FHIT: variants seen among roughly 807,000 people sequenced by gnomAD.
FHIT encodes the protein fragile histidine triad diadenosine triphosphatase.
In FHIT, 19 loss-of-function variants were observed where a neutral mutation model predicts 17.9. The ratio of observed to expected loss-of-function variants is 1.06; its 90% CI spans 0.74 to 1.56. FHIT has a LOEUF of 1.56. FHIT is among the 40% of genes most tolerant of loss of function. FHIT has a pLI of 0.00. For missense variants in FHIT, 248 were observed against 189.2 expected, an observed-to-expected ratio of 1.31 and a Z score of -1.82; for synonymous variants, 81 against 69.7, an observed-to-expected ratio of 1.16 and a Z score of -0.81.
At chr3:60,727,234 A>G (rs987496481) in intron 4 of FHIT, among the ~76,000 whole-genome samples, 2 of 152,178 alleles carry the variant, frequency 1.3e-5, no homozygotes, top group African/African-American at 4.8e-5. Flanking sequence ...AAAGCTCACA[A>G]TATAATAAAA....
chr3:60,248,722 C>T (rs1705532456), intron 5 of FHIT, among the ~76,000 whole-genome samples: 1 of 152,004 alleles, frequency 6.6e-6, no homozygotes, highest in African/African-American at 2.4e-5. Flanking sequence ...GAATATGCCA[C>T]CCCTACATAT....
chr3:60,149,497 C>G (rs954554066), intron 5 of FHIT, among the ~76,000 whole-genome samples: 1 of 151,906 alleles, frequency 6.6e-6, no homozygotes, highest in Non-Finnish European at 1.5e-5. Flanking sequence ...GTATTTTGAT[C>G]AAAATATATC....
intron 8 of FHIT, among the ~76,000 whole-genome samples, chr3:59,870,909 C>T (rs538108643): frequency 8.0e-5 from 12 of 150,656 alleles, no homozygotes; most frequent in East Asian, 3.9e-4. Context: ...CCTCTATTTA[C>T]GGCAGTCTGA....
chr3:61,098,088 C>T (rs544704805), intron 2 of FHIT, among the ~76,000 whole-genome samples: 13 of 152,246 alleles, frequency 8.5e-5, no homozygotes, highest in South Asian at 2.1e-4. Flanking sequence ...TGGGGTTTTA[C>T]ATTTAAGTCT....
chr3:60,630,044 G>A (rs528944327), intron 4 of FHIT, among the ~76,000 whole-genome samples: 4 of 152,146 alleles, frequency 2.6e-5, no homozygotes, highest in Non-Finnish European at 5.9e-5. Flanking sequence ...AGGGCTATTT[G>A]TCTTATGTTA....
At chr3:60,132,533 C>T (rs943732526) in intron 5 of FHIT, among the ~76,000 whole-genome samples, 5 of 152,118 alleles carry the variant, frequency 3.3e-5, no homozygotes, top group African/African-American at 1.2e-4. Flanking sequence ...ATGGAGAAAG[C>T]CCTTTAACAT....
chr3:59,961,016 G>A (rs868667686), intron 7 of FHIT, among the ~76,000 whole-genome samples: 6 of 152,174 alleles, frequency 3.9e-5, no homozygotes, highest in Admixed American at 6.5e-5. Context: ...CATTCATTTC[G>A]TGAAAGCCAA....
intron 8 of FHIT, among the ~76,000 whole-genome samples, chr3:59,820,961 G>T (rs1354861148): frequency 6.6e-6 from 1 of 152,184 alleles, no homozygotes; most frequent in Non-Finnish European, 1.5e-5. Context: ...TGAGTGTCAT[G>T]AAAGGAAAGA....
At chr3:61,128,112 G>T (rs906659503) in intron 2 of FHIT, among the ~76,000 whole-genome samples, 1 of 152,118 alleles carries the variant, frequency 6.6e-6, no homozygotes, top group Non-Finnish European at 1.5e-5. Context: ...TTAGGGATCT[G>T]AAGAGAAAAA....
chr3:60,250,686 T>A lies in FHIT; in HGVS notation c.104-236534A>T, dbSNP rs1189546730. On this transcript the variant is annotated intron_variant, in intron 5 of 9. Transcript: ENST00000492590. ...AGGAACCTGTTGTAATTAAGTAATC[T>A]TCTTCTTTTCATTTTTATGACAATT... Among the ~76,000 whole-genome samples, 7 of 152,318 alleles carry A rather than the reference T, an allele frequency of 4.6e-5. No homozygotes were observed. The East Asian group carries it at 1.4e-3, about 29-fold the overall frequency.
At chr3:60,800,038 T>A (rs1701133320) in intron 4 of FHIT, among the ~76,000 whole-genome samples, 1 of 152,152 alleles carries the variant, frequency 6.6e-6, no homozygotes, top group South Asian at 2.1e-4. Flanking sequence ...TCTGGACCTA[T>A]CGAACCATTC....
intron 5 of FHIT, among the ~76,000 whole-genome samples, chr3:60,179,001 G>A (rs1038965903): frequency 6.6e-6 from 1 of 151,998 alleles, no homozygotes; most frequent in African/African-American, 2.4e-5. Context: ...AAATACTGAG[G>A]GGCCCCTTAA....
chr3:59,915,937 GAAA>G, intron 8 of FHIT, among the ~76,000 whole-genome samples: 1 of 142,326 alleles, frequency 7.0e-6, no homozygotes. Context: ...GTCTCTTAGG[GAAA>G]AAAAAAAAAA....
At chr3:60,189,017 T>G (rs1479188494) in intron 5 of FHIT, among the ~76,000 whole-genome samples, 1 of 152,154 alleles carries the variant, frequency 6.6e-6, no homozygotes, top group African/African-American at 2.4e-5. Flanking sequence ...GTGAATAAAG[T>G]TGATTCACTT....
chr3:60,961,617 G>C (rs1709449541), intron 3 of FHIT, among the ~76,000 whole-genome samples: 1 of 152,178 alleles, frequency 6.6e-6, no homozygotes, highest in African/African-American at 2.4e-5. Flanking sequence ...AGCGTGTAAG[G>C]AAGGGATCCA....
chr3:61,239,381 C>G (rs116258963), intron 1 of FHIT, among the ~76,000 whole-genome samples: 163 of 152,220 alleles, frequency 1.1e-3, no homozygotes, highest in Non-Finnish European at 2.1e-3. Context: ...AAGCTCTTTC[C>G]CACCTTAAGG....
chr3:61,174,950 A>G (rs980566390), intron 2 of FHIT, among the ~76,000 whole-genome samples: 1 of 152,166 alleles, frequency 6.6e-6, no homozygotes, highest in Non-Finnish European at 1.5e-5. Flanking sequence ...ATGGCATGCA[A>G]TGATCTCGAG....
intron 1 of FHIT, among the ~76,000 whole-genome samples, chr3:61,234,258 G>A (rs535230670): frequency 1.3e-4 from 20 of 152,236 alleles, no homozygotes; most frequent in East Asian, 7.7e-4. Flanking sequence ...GCTTTACAAC[G>A]TGGCCCAGCA....
chr3:60,015,923 A>T (rs1323691879), intron 5 of FHIT, among the ~76,000 whole-genome samples: 2 of 152,240 alleles, frequency 1.3e-5, no homozygotes, highest in Non-Finnish European at 2.9e-5. Context: ...TAGAAAAACA[A>T]CTCAGGGAAA....
Sources: gnomAD v4.1 joint callset for allele counts (sites outside exome capture counted in the v4.1 genomes callset) on GRCh38, gnomAD v4.1.1 for gene constraint, MANE v1.5 for transcripts, NCBI Gene and HGNC (gene_info 2026-07-23, HGNC 2026-07-21) for gene names.